Variants in MUC7 observed in about 807,000 individuals in gnomAD.
The protein encoded by MUC7 is mucin 7, secreted, also known as mucin-7.
Under a neutral mutation model 2.5 loss-of-function variants are expected in MUC7, and 2 were observed. That is an observed-to-expected ratio of 0.81 (90% CI 0.33 to 2.55). The LOEUF (loss-of-function observed/expected upper bound fraction) is 2.55, where lower values mean the gene tolerates loss of function less well. Ranked by LOEUF, MUC7 falls within the 30% of genes most tolerant of loss-of-function variation. The probability of loss-of-function intolerance (pLI) is 0.11; values close to 1 mark genes in which losing one functional copy is unlikely to be tolerated. For missense variants in MUC7, 408 were observed against 455.6 expected, an observed-to-expected ratio of 0.90 and a Z score of 0.95; for synonymous variants, 133 against 173.4, an observed-to-expected ratio of 0.77 and a Z score of 1.83.
upstream of MUC7, among the ~76,000 whole-genome samples, chr4:70,467,331 A>C (rs1734707974): frequency 2.0e-5 from 3 of 152,192 alleles, no homozygotes; most frequent in Admixed American, 6.5e-5. Flanking sequence ...TCAACACCCT[A>C]ACATCACAAT....
intron 1 of MUC7, among the ~76,000 whole-genome samples, chr4:70,431,120 G>T (rs59994054): frequency 0.071 from 10,763 of 151,674 alleles, 592 homozygotes; most frequent in East Asian, 0.21. Flanking sequence ...CAAATAAGAA[G>T]AAAAAAAGAC....
chr4:70,469,768 G>A (rs1734783751), upstream of MUC7, among the ~76,000 whole-genome samples: 1 of 152,222 alleles, frequency 6.6e-6, no homozygotes, highest in Non-Finnish European at 1.5e-5. Flanking sequence ...ACAGATGCTG[G>A]AAAGGATGTG....
chr4:70,448,520 C>A (rs921262203), intron 1 of MUC7, among the ~76,000 whole-genome samples: 2 of 152,156 alleles, frequency 1.3e-5, no homozygotes, highest in Admixed American at 1.3e-4. Flanking sequence ...CTCTGAAGAT[C>A]AGTGATGTTG....
At chr4:70,451,157 C>G (rs770275237) in intron 1 of MUC7, among the ~76,000 whole-genome samples, 1 of 152,186 alleles carries the variant, frequency 6.6e-6, no homozygotes, top group Non-Finnish European at 1.5e-5. Context: ...CTGGCTAGGG[C>G]TGGTTTAAAT....
chr4:70,435,575 G>A (rs1733807171), intron 1 of MUC7, among the ~76,000 whole-genome samples: 1 of 152,058 alleles, frequency 6.6e-6, no homozygotes, highest in Non-Finnish European at 1.5e-5. Flanking sequence ...CTCCAACTCT[G>A]TAGTTTGAAC....
intron 1 of MUC7, among the ~76,000 whole-genome samples, chr4:70,432,198 C>T (rs148479287): frequency 1.3e-4 from 20 of 152,342 alleles, no homozygotes; most frequent in Admixed American, 3.9e-4. Context: ...AATAGCGCCA[C>T]AATAAGCATA....
chr4:70,467,696 A>G (rs1734716370), upstream of MUC7, among the ~76,000 whole-genome samples: 1 of 152,106 alleles, frequency 6.6e-6, no homozygotes, highest in Non-Finnish European at 1.5e-5. Flanking sequence ...TACACCCTCC[A>G]AAGACTAAAC....
chr4:70,451,206 G>A (rs1264311171), intron 1 of MUC7, among the ~76,000 whole-genome samples: 2 of 152,164 alleles, frequency 1.3e-5, no homozygotes, highest in African/African-American at 4.8e-5. Context: ...GTTTGGCCTA[G>A]TTTTTCTTTC....
chr4:70,473,648 G>A (rs577897378), intron 1 of MUC7, among the ~76,000 whole-genome samples: 1 of 152,302 alleles, frequency 6.6e-6, no homozygotes, highest in East Asian at 1.9e-4. Flanking sequence ...GTTCCCCACA[G>A]AGGGGAGCTT....
chr4:70,468,905 C>G (rs1255828162), upstream of MUC7, among the ~76,000 whole-genome samples: 1 of 151,856 alleles, frequency 6.6e-6, no homozygotes, highest in East Asian at 1.9e-4. Flanking sequence ...AGAAAAAAAC[C>G]ACTTAAATGT....
intron 1 of MUC7, among the ~76,000 whole-genome samples, chr4:70,432,592 T>TTG (rs1344584198): frequency 3.9e-4 from 60 of 152,272 alleles, no homozygotes; most frequent in Non-Finnish European, 7.5e-4. Flanking sequence ...TTTGATGGGG[T>TTG]TTTTTTCTTG....
chr4:70,448,393 C>T (rs566263627), intron 1 of MUC7, among the ~76,000 whole-genome samples: 12 of 152,302 alleles, frequency 7.9e-5, no homozygotes, highest in African/African-American at 2.6e-4. Context: ...TACTAATTTA[C>T]ATTCCCACCA....
chr4:70,467,707 C>T (rs1734716708), upstream of MUC7, among the ~76,000 whole-genome samples: 1 of 152,034 alleles, frequency 6.6e-6, no homozygotes, highest in East Asian at 1.9e-4. Context: ...AAGACTAAAC[C>T]AGGAAGAAAT....
chr4:70,432,758 TG>T (rs1296285631), intron 1 of MUC7, among the ~76,000 whole-genome samples: 1 of 152,248 alleles, frequency 6.6e-6, no homozygotes, highest in Non-Finnish European at 1.5e-5. Flanking sequence ...TTGTCAATTT[TG>T]GCTTCTGTTG....
chr4:70,443,296 A>T (rs1734049626), intron 1 of MUC7, among the ~76,000 whole-genome samples: 1 of 147,024 alleles, frequency 6.8e-6, no homozygotes, highest in East Asian at 2.0e-4. Flanking sequence ...ATGTAAAAGA[A>T]CAACCTAACA....
intron 1 of MUC7, among the ~76,000 whole-genome samples, chr4:70,449,891 G>C (rs1220403432): frequency 6.6e-6 from 1 of 152,210 alleles, no homozygotes; most frequent in Non-Finnish European, 1.5e-5. Context: ...ACCATGCTGG[G>C]TCAGACCTGA....
chr4:70,453,847 A>G (rs1482728596), intron 1 of MUC7, among the ~76,000 whole-genome samples: 1 of 152,030 alleles, frequency 6.6e-6, no homozygotes, highest in East Asian at 1.9e-4. Flanking sequence ...AGGGCTCTTT[A>G]GTTAGCAGGT....
At chr4:70,431,498 G>T (rs1003710084) in intron 1 of MUC7, among the ~76,000 whole-genome samples, 1 of 151,776 alleles carries the variant, frequency 6.6e-6, no homozygotes, top group African/African-American at 2.4e-5. Flanking sequence ...TTGGGGGGGT[G>T]GGAGATGAAT....
chr4:70,446,620 G>T (rs1038658750), intron 1 of MUC7, among the ~76,000 whole-genome samples: 1 of 152,134 alleles, frequency 6.6e-6, no homozygotes, highest in Non-Finnish European at 1.5e-5. Flanking sequence ...CATCTGCAAT[G>T]ACTATTTCCA....
Sources: allele counts gnomAD v4.1 joint callset (sites outside exome capture counted in the v4.1 genomes callset), GRCh38; gene constraint gnomAD v4.1.1; transcripts MANE v1.5; gene names NCBI Gene and HGNC (gene_info 2026-07-23, HGNC 2026-07-21).